The following ALKBH8 variants were observed in gnomAD, a reference collection of about 807,000 sequenced individuals.
ALKBH8 encodes tRNA (carboxymethyluridine(34)-5-O)-methyltransferase ALKBH8.
A neutral mutation model predicts 59.8 loss-of-function variants in ALKBH8; 36 were observed. That is an observed-to-expected ratio of 0.60 (90% CI 0.46 to 0.79). The LOEUF (loss-of-function observed/expected upper bound fraction) is 0.79, where lower values mean the gene tolerates loss of function less well. Ranked by LOEUF, ALKBH8 falls within the 30% of genes least tolerant of loss-of-function variation. ALKBH8 has a pLI of 0.00. For missense variants in ALKBH8, 768 were observed against 801.0 expected, an observed-to-expected ratio of 0.96 and a Z score of 0.50; for synonymous variants, 276 against 273.6, an observed-to-expected ratio of 1.01 and a Z score of -0.09.
chr11:107,522,622 TA>T, intron 9 of ALKBH8, 67 bp from the exon 10 acceptor site: 1 of 1,453,504 alleles, frequency 6.9e-7, no homozygotes, highest in Non-Finnish European at 9.1e-7. Flanking sequence ...CAAGTTTTCT[TA>T]AATGAAAAAA....
At chr11:107,543,755 A>C (rs1158263809) in intron 7 of ALKBH8, among the ~76,000 whole-genome samples, 1 of 152,184 alleles carries the variant, frequency 6.6e-6, no homozygotes, top group Non-Finnish European at 1.5e-5. Context: ...AGAATGACTC[A>C]ATAAAGGCAA....
chr11:107,565,407 C>T (rs1172166791), intron 1 of ALKBH8, 194 bp downstream of exon 1: 10 of 685,922 alleles, frequency 1.5e-5, no homozygotes, highest in East Asian at 2.7e-5. Flanking sequence ...ACACATGCAC[C>T]CTAAACACTG....
rs538935328 is a variant in ALKBH8, at chr11:107,540,281, T to C, written c.772-7875A>G. On this transcript the variant is annotated intron_variant, in intron 7 of 11. Transcript: ENST00000428149. ...CTATTGTATAGCAAAAGTTGGCAAA[T>C]TCCACCTTTCAAATACAACCCTGAC... 2.0e-5 allele frequency among the ~76,000 whole-genome samples: 3 copies of C among 152,274 alleles called. No homozygotes were observed. In the South Asian group the frequency reaches 6.2e-4, roughly 32 times the overall value.
Position 107,510,999 on chromosome 11 carries a change from C to T in ALKBH8, c.1325G>A (p.Cys442Tyr), listed in dbSNP as rs1862599698. Reference sequence around the variant, plus strand: ...AAAAGCCTGAAATTGCCTCTCTCTACAAATGTCCACAAGGTTTTGGCTACG... The same window carrying T: ...AAAAGCCTGAAATTGCCTCTCTCTATAAATGTCCACAAGGTTTTGGCTACG... ...CDRSQNLVDI[C>Y]RERQFQAFVC... The change falls in exon 11 of 12, where the codon TGT becomes TAT. Residue 442 changes from cysteine (C) to tyrosine (Y), a missense_variant. Transcript: ENST00000428149. The T allele has an allele frequency of 1.3e-6, 2 of 1,551,800 alleles. No homozygotes were observed. Among genetic ancestry groups the T allele is most frequent in the South Asian group, 1.2e-5 (1 of 84,070 alleles).
chr11:107,511,166 A>T (rs1862606963), intron 10 of ALKBH8, 130 bp from the exon 11 acceptor site: 1 of 915,862 alleles, frequency 1.1e-6, no homozygotes, highest in African/African-American at 1.7e-5. Context: ...TGAGACCATG[A>T]TACTATCGGT....
At position 107,556,864 on chromosome 11, in the gene ALKBH8, G is replaced by A. The variant is rs370656688; in HGVS notation, c.269C>T (p.Thr90Ile). Residue 90 changes from threonine to isoleucine, a missense_variant, in exon 3 of 12, where the codon ACA becomes ATA. Thr to Ile is a moderately conservative substitution (Grantham distance 89). Transcript: ENST00000428149. Reference protein sequence around the residue: ...KPYSFARYRTTEESKRAYVTL... With the variant: ...KPYSFARYRTIEESKRAYVTL... Reference sequence around the variant, plus strand: ...AACATAGGCTCTCTTAGATTCTTCTGTAGTTCTGTATCTTGCAAATGAGTA... The same window carrying A: ...AACATAGGCTCTCTTAGATTCTTCTATAGTTCTGTATCTTGCAAATGAGTA... 3 of 1,603,792 alleles carry A rather than the reference G, an allele frequency of 1.9e-6. No individual in the cohort carries two copies. Among genetic ancestry groups the A allele is most frequent in the Non-Finnish European group, 2.6e-6 (3 of 1,175,110 alleles).
chr11:107,514,461 T>C (rs1862772790), intron 10 of ALKBH8, among the ~76,000 whole-genome samples: 1 of 152,188 alleles, frequency 6.6e-6, no homozygotes, highest in Non-Finnish European at 1.5e-5. Context: ...ATAAAAGATA[T>C]CAAGCTAGAG....
intron 10 of ALKBH8, among the ~76,000 whole-genome samples, chr11:107,514,856 G>A (rs950861465): frequency 2.0e-5 from 3 of 151,978 alleles, no homozygotes; most frequent in Non-Finnish European, 4.4e-5. Context: ...GGGCTCGATA[G>A]TTACTCAAAA....
intron 1 of ALKBH8, among the ~76,000 whole-genome samples, chr11:107,564,895 T>C (rs966106701): frequency 6.6e-6 from 1 of 152,178 alleles, no homozygotes; most frequent in Non-Finnish European, 1.5e-5. Context: ...TAACCATTTG[T>C]CGAATAAACC....
At chr11:107,542,514 G>A (rs752568251) in intron 7 of ALKBH8, among the ~76,000 whole-genome samples, 28 of 152,146 alleles carry the variant, frequency 1.8e-4, no homozygotes, top group Non-Finnish European at 3.1e-4. Flanking sequence ...TGCTTGGGAC[G>A]TCAGTTATAT....
intron 11 of ALKBH8, among the ~76,000 whole-genome samples, chr11:107,508,205 T>C (rs1862474058): frequency 6.7e-6 from 1 of 149,662 alleles, no homozygotes; most frequent in African/African-American, 2.5e-5. Flanking sequence ...ATGGAGTCTC[T>C]GTCACCCAGG....
At position 107,549,759 on chromosome 11, in the gene ALKBH8, C is replaced by T. The variant is rs561743683; in HGVS notation, c.765G>A (p.Gly255=). 1.4e-5 allele frequency: 22 copies of T among 1,547,088 alleles called. No homozygotes were observed. In the South Asian group the frequency reaches 2.1e-4, roughly 15 times the overall value. Residue 255 remains glycine (G), a synonymous_variant, in exon 7 of 12, where the codon GGG becomes GGA. Transcript: ENST00000428149. The part of the protein sequence containing the change: ...FEDEIVSLSL[G]SEIVMDFKHP... ...AATAAAAATGACCATTTACCTCTGA[C>T]CCCAAACTGAGAGAAACGATCTCAT...
intron 9 of ALKBH8, among the ~76,000 whole-genome samples, chr11:107,524,632 TA>T (rs1027148916): frequency 1.3e-5 from 2 of 152,170 alleles, no homozygotes; most frequent in African/African-American, 4.8e-5. Context: ...ACACTTTTAG[TA>T]AAATAAAAAG....
chr11:107,560,912 A>T lies in ALKBH8; in HGVS notation c.-6-13T>A. The T allele has an allele frequency of 6.3e-7, 1 of 1,598,428 alleles. No homozygotes were observed. The highest frequency in any genetic ancestry group is 8.5e-7 in the Non-Finnish European group (1 of 1,173,878). On this transcript the variant is annotated splice_polypyrimidine_tract_variant and intron_variant, in intron 1 of 11. Coordinates refer to ENST00000428149, the MANE Select transcript of ALKBH8 (RefSeq NM_138775.3). ...TGTCCATAGCAAACTGTAAAAAAAC[A>T]AGACAGTAAAAAAGTCAACCTTAAG...
chr11:107,510,859 T>C, intron 11 of ALKBH8, 28 bp downstream of exon 11: 1 of 1,548,122 alleles, frequency 6.5e-7, no homozygotes, highest in Non-Finnish European at 8.7e-7. Context: ...AGCTACAAGT[T>C]CTTAAGAGAA....
intron 7 of ALKBH8, among the ~76,000 whole-genome samples, chr11:107,548,421 T>C (rs1355804869): frequency 6.6e-6 from 1 of 152,258 alleles, no homozygotes; most frequent in African/African-American, 2.4e-5. Flanking sequence ...ATCTTTTGTC[T>C]CATTTCTCAG....
intron 3 of ALKBH8, 50 bp from the exon 4 acceptor site, chr11:107,554,028 T>C: frequency 5.0e-6 from 8 of 1,599,528 alleles, no homozygotes; most frequent in Non-Finnish European, 6.8e-6. Flanking sequence ...AAAGTTCCTA[T>C]ATACAAATAA....
intron 10 of ALKBH8, among the ~76,000 whole-genome samples, chr11:107,519,002 G>A (rs1203294756): frequency 6.6e-6 from 1 of 152,134 alleles, no homozygotes; most frequent in Non-Finnish European, 1.5e-5. Context: ...ATGTGATCTT[G>A]ATATGTTGCC....
intron 7 of ALKBH8, among the ~76,000 whole-genome samples, chr11:107,534,308 G>C (rs1291790737): frequency 6.6e-6 from 1 of 152,086 alleles, no homozygotes; most frequent in East Asian, 1.9e-4. Context: ...ATTATCTGTG[G>C]CTTAAAGGAA....
Sources: allele counts gnomAD v4.1 joint callset (sites outside exome capture counted in the v4.1 genomes callset), GRCh38; gene constraint gnomAD v4.1.1; transcripts MANE v1.5; gene names NCBI Gene and HGNC (gene_info 2026-07-23, HGNC 2026-07-21).